Variants in CDH1 observed in about 807,000 individuals in gnomAD.
CDH1 encodes cadherin 1.
In CDH1, 35 loss-of-function variants were observed where a neutral mutation model predicts 84.5. The observed-to-expected ratio is 0.41, with a 90% CI of 0.32 to 0.55. CDH1 has a LOEUF of 0.55. CDH1 is among the 20% of genes least tolerant of loss of function. The pLI is 0.19. For missense variants in CDH1, 994 were observed against 1,126.6 expected (o/e 0.88, Z 1.68); for synonymous variants, 417 against 439.0 (o/e 0.95, Z 0.63).
intron 14 of CDH1, among the ~76,000 whole-genome samples, 155 bp from the exon 15 acceptor site, chr16:68,829,499 A>G (rs1961418549): frequency 6.6e-6 from 1 of 152,208 alleles, no homozygotes; most frequent in African/African-American, 2.4e-5. Context: ...GGAGACTTTT[A>G]GCTTGAAAAC....
chr16:68,805,373 A>C (rs1408608368), intron 3 of CDH1, among the ~76,000 whole-genome samples: 1 of 151,614 alleles, frequency 6.6e-6, no homozygotes, highest in Non-Finnish European at 1.5e-5. Flanking sequence ...TTCAGGCATG[A>C]CTCCCTTTCA....
chr16:68,749,042 G>C (rs1962820511), intron 2 of CDH1, among the ~76,000 whole-genome samples: 1 of 152,126 alleles, frequency 6.6e-6, no homozygotes, highest in South Asian at 2.1e-4. Flanking sequence ...TTCATCAGTT[G>C]GCCAGGCTGG....
intron 2 of CDH1, among the ~76,000 whole-genome samples, chr16:68,749,157 G>A (rs949249355): frequency 1.3e-5 from 2 of 152,172 alleles, no homozygotes; most frequent in South Asian, 4.1e-4. Context: ...TTTGATTTGG[G>A]GGAAGGTTTC....
At position 68,812,358 on chromosome 16, in the gene CDH1, A is replaced by G. The variant is rs1371787344; in HGVS notation, c.1137+95A>G. ...CTGCTCATGGGCGAAGTCTTTGAAA[A>G]CTCTCTCCAGACTAGAGAATGTTAA... is the stretch of plus-strand genomic sequence containing the variant. On this transcript the variant is annotated intron_variant, in intron 8 of 15. Transcript: ENST00000261769. 2.3e-6 allele frequency: 3 copies of G among 1,325,284 alleles called. No individual in the cohort carries two copies. In the East Asian group the frequency reaches 6.9e-5, roughly 31 times the overall value. The allele number at this position is 1,325,284 out of a possible 1,614,324, so 82.1% of individuals were successfully genotyped here.
chr16:68,745,346 G>A (rs372579147), intron 2 of CDH1, among the ~76,000 whole-genome samples: 1 of 150,140 alleles, frequency 6.7e-6, no homozygotes, highest in Non-Finnish European at 1.5e-5. Flanking sequence ...ATTTAGCCAG[G>A]TATGGTGGCG....
chr16:68,800,878 T>A (rs1040142318), intron 2 of CDH1, among the ~76,000 whole-genome samples: 10 of 152,216 alleles, frequency 6.6e-5, no homozygotes, highest in Non-Finnish European at 1.3e-4. Context: ...CTGCCTGAAA[T>A]TTTAAGTTTC....
chr16:68,776,473 A>G (rs895771569), intron 2 of CDH1, among the ~76,000 whole-genome samples: 7 of 152,226 alleles, frequency 4.6e-5, no homozygotes. Context: ...GATTTGAATC[A>G]TTCAGACTTG....
chr16:68,738,632 G>A (rs1423766101), intron 2 of CDH1, among the ~76,000 whole-genome samples: 1 of 152,184 alleles, frequency 6.6e-6, no homozygotes, highest in Non-Finnish European at 1.5e-5. Flanking sequence ...TTATAAAGAA[G>A]AGGAGGTTGA....
intron 5 of CDH1, among the ~76,000 whole-genome samples, chr16:68,809,990 G>C (rs550565223): frequency 1.9e-4 from 29 of 152,284 alleles, no homozygotes; most frequent in Admixed American, 1.5e-3. Flanking sequence ...TCTGAGCCGT[G>C]GGGGGTGTTC....
At chr16:68,740,189 A>T (rs1962526665) in intron 2 of CDH1, among the ~76,000 whole-genome samples, 1 of 151,986 alleles carries the variant, frequency 6.6e-6, no homozygotes, top group East Asian at 1.9e-4. Flanking sequence ...AAGAGAAATC[A>T]CCCACAATTC....
intron 7 of CDH1, 135 bp from the exon 8 acceptor site, chr16:68,812,000 G>A (rs1465804264): frequency 1.4e-6 from 2 of 1,480,080 alleles, no homozygotes; most frequent in Admixed American, 1.7e-5. Flanking sequence ...TGTGCCCAGA[G>A]GTTCCGTGCC....
In CDH1 at chr16:68,800,189, T is replaced by A. The variant is rs114602195; in HGVS notation, c.164-1481T>A. ...ATCCCATCTCTATGAAAATATTATTTAAAAAAAAAAAAACCAAGGCCTTAA... is the reference window on the plus strand; with the variant it reads ...ATCCCATCTCTATGAAAATATTATTAAAAAAAAAAAAAACCAAGGCCTTAA... On this transcript the variant is annotated intron_variant, in intron 2 of 15. Transcript: ENST00000261769. 4.9e-3 allele frequency among the ~76,000 whole-genome samples: 697 copies of A among 140,832 alleles called. 6 individuals carry two copies. Among genetic ancestry groups the A allele is most frequent in the African/African-American group, 0.017 (662 of 38,440 alleles). 92.4% of individuals were successfully genotyped at this position (140,832 alleles called of 152,430 possible).
In CDH1 at chr16:68,815,364, G is replaced by A. The variant is rs1400643201; in HGVS notation, c.1321-151G>A. 5.5e-5 allele frequency: 51 copies of A among 935,568 alleles called. 1 individual carries two copies. The African/African-American group carries it at 6.8e-4, about 13-fold the overall frequency. 58.0% of individuals were successfully genotyped at this position (935,568 alleles called of 1,614,324 possible). A position where few individuals can be genotyped will look rare whatever the true frequency, so the allele number is the denominator to read the frequency against. ...TTGAGAAGCCATGGTAAGTAATTGT[G>A]GTTTCTGCCATTGAAAGTCATGGCA... On this transcript the variant is annotated intron_variant, in intron 9 of 15. Transcript: ENST00000261769.
rs756784967 is a variant in CDH1, at chr16:68,784,042, C to G, written c.164-17628C>G. Among the ~76,000 whole-genome samples, 134 of 152,228 alleles carry G rather than the reference C, an allele frequency of 8.8e-4. No homozygotes were observed. In the Middle Eastern group the frequency reaches 0.01, roughly 12 times the overall value. The stretch of plus-strand genomic sequence containing the variant: ...ATGCCCATCATTGATTTATCCAGCC[C>G]TCTGTCAATGATGTGTCTATCTTTT... On this transcript the variant is annotated intron_variant, in intron 2 of 15. Coordinates refer to ENST00000261769, the MANE Select transcript of CDH1 (RefSeq NM_004360.5).
intron 10 of CDH1, among the ~76,000 whole-genome samples, chr16:68,818,849 CAAAAAAAAAAAAA>C (rs758115524): frequency 1.4e-5 from 1 of 72,502 alleles, no homozygotes; most frequent in Non-Finnish European, 2.9e-5. Context: ...GACTCCGTCT[CAAAAAAAAAAAAA>C]AAAAAAAAGA....
intron 2 of CDH1, among the ~76,000 whole-genome samples, chr16:68,749,958 T>G (rs1962845884): frequency 7.3e-6 from 1 of 136,562 alleles, no homozygotes; most frequent in African/African-American, 2.7e-5. Context: ...ATCTCACTTA[T>G]TTTATTTATT....
chr16:68,833,909 A>T lies in CDH1; in HGVS notation c.*410A>T, dbSNP rs33956133. 8.9e-3 allele frequency: 2,987 copies of T among 334,286 alleles called. 64 individuals carry two copies. Among genetic ancestry groups the T allele is most frequent in the African/African-American group, 0.051 (2,396 of 47,018 alleles). 20.7% of individuals were successfully genotyped at this position (334,286 alleles called of 1,614,324 possible). A position where few individuals can be genotyped will look rare whatever the true frequency, so the allele number is the denominator to read the frequency against. ...TGTTGTTTTGTGTATATAATTTTTT[A>T]AAAAAAATTTGTGTGCTTCTGCTCA... On this transcript the variant is annotated 3_prime_UTR_variant, in exon 16 of 16. Coordinates refer to ENST00000261769, the MANE Select transcript of CDH1 (RefSeq NM_004360.5).
chr16:68,780,752 T>C lies in CDH1; in HGVS notation c.164-20918T>C, dbSNP rs548610128. On this transcript the variant is annotated intron_variant, in intron 2 of 15. Transcript: ENST00000261769. ...TGGCTAGTACTGCACCTCATTCTCG[T>C]GATTTCATGCCCACAGTTACCTCCA... Among the ~76,000 whole-genome samples the C allele has an allele frequency of 3.9e-5, 6 of 152,268 alleles. No homozygotes were observed. The South Asian group carries it at 1.2e-3, about 32-fold the overall frequency.
chr16:68,770,213 G>T (rs886399754), intron 2 of CDH1, among the ~76,000 whole-genome samples: 2 of 152,094 alleles, frequency 1.3e-5, no homozygotes, highest in African/African-American at 4.8e-5. Context: ...GTGCTCTGGG[G>T]AGCTCTGCCT....
Sources: gnomAD v4.1 joint callset for allele counts (sites outside exome capture counted in the v4.1 genomes callset) on GRCh38, gnomAD v4.1.1 for gene constraint, MANE v1.5 for transcripts, NCBI Gene and HGNC (gene_info 2026-07-23, HGNC 2026-07-21) for gene names.